Variants in AR observed in about 807,000 individuals in gnomAD.
The protein encoded by AR is androgen receptor.
AR carries 8 observed loss-of-function variants against 53.9 expected under a neutral mutation model. The ratio of observed to expected loss-of-function variants is 0.15; its 90% CI spans 0.09 to 0.27. The LOEUF is 0.27. Among genes scored for constraint, AR ranks in the 10% least tolerant of loss-of-function variants. The probability of loss-of-function intolerance (pLI) is 1.00; values close to 1 mark genes in which losing one functional copy is unlikely to be tolerated. For missense variants in AR, 639 were observed against 742.5 expected (o/e 0.86, Z 1.62); for synonymous variants, 359 against 316.4 (o/e 1.13, Z -1.43).
intron 5 of AR, among the ~76,000 whole-genome samples, chrX:67,721,495 G>A (rs1378922726): frequency 5.4e-5 from 6 of 111,383 alleles, no homozygotes; most frequent in Non-Finnish European, 1.1e-4. Context: ...GAGACCATGT[G>A]CCTCCCCCAT....
chrX:67,645,363 A>G (rs779419955), intron 2 of AR, among the ~76,000 whole-genome samples: 2 of 111,275 alleles, frequency 1.8e-5, no homozygotes, highest in South Asian at 7.7e-4. Context: ...TGAAGGAGGG[A>G]GGCAGGCAGA....
rs573549410 is a variant in AR at position 67,718,768 on chromosome X, G to C, written c.2318+1146G>C. On this transcript the variant is annotated intron_variant, in intron 5 of 7. Coordinates refer to ENST00000374690, the MANE Select transcript of AR (RefSeq NM_000044.6). The stretch of plus-strand genomic sequence containing the variant: ...CCTGCCTCAGCTTCCCGAGTAGCTG[G>C]GATTATAGATGCCCGCCACCGTGTC... Among the ~76,000 whole-genome samples the C allele has an allele frequency of 2.7e-5, 3 of 111,065 alleles. No individual in the cohort carries two copies. In the South Asian group the frequency reaches 1.2e-3, roughly 43 times the overall value.
intron 1 of AR, among the ~76,000 whole-genome samples, chrX:67,603,869 T>A (rs1923495218): frequency 9.0e-6 from 1 of 110,820 alleles, no homozygotes; most frequent in South Asian, 3.8e-4. Context: ...TTAGAAGAGT[T>A]GTTTTGGAAA....
At chrX:67,597,104 C>G (rs1454383823) in intron 1 of AR, among the ~76,000 whole-genome samples, 1 of 111,983 alleles carries the variant, frequency 8.9e-6, no homozygotes, top group African/African-American at 3.2e-5. Context: ...TGGCACTTCT[C>G]TTGAGCAGGA....
At chrX:67,573,045 A>C (rs1774531690) in intron 1 of AR, among the ~76,000 whole-genome samples, 1 of 111,498 alleles carries the variant, frequency 9.0e-6, no homozygotes, top group Non-Finnish European at 1.9e-5. Context: ...CTACCACTAG[A>C]ATGTGATAGA....
chrX:67,689,526 T>C, intron 3 of AR: 1 of 941,540 alleles, frequency 1.1e-6, no homozygotes. Context: ...CTTCCAGGCC[T>C]ACCTACCTGT....
chrX:67,569,799 G>T (rs772257341), intron 1 of AR, among the ~76,000 whole-genome samples: 1 of 111,460 alleles, frequency 9.0e-6, no homozygotes, highest in South Asian at 3.9e-4. Context: ...AAGCAAGACT[G>T]TTTTGGGGTG....
intron 1 of AR, among the ~76,000 whole-genome samples, chrX:67,602,221 CA>C (rs1285349510): frequency 1.8e-5 from 2 of 111,922 alleles, no homozygotes; most frequent in African/African-American, 6.5e-5. Context: ...CATTTTAATA[CA>C]AAAATATTTT....
In AR at chrX:67,544,784, A is replaced by G. The variant is rs1219855221; in HGVS notation, c.-363A>G. Reference sequence around the variant, plus strand: ...AAAAAAGCCGAAATAAAAGAAAAAGATAATAACTCAGTTCTTATTTGCACC... The same window carrying G: ...AAAAAAGCCGAAATAAAAGAAAAAGGTAATAACTCAGTTCTTATTTGCACC... On this transcript the variant is annotated 5_prime_UTR_variant, in exon 1 of 8. Coordinates refer to ENST00000374690, the MANE Select transcript of AR (RefSeq NM_000044.6). 1 of 196,065 alleles carries G rather than the reference A, an allele frequency of 5.1e-6. No individual in the cohort carries two copies. Among genetic ancestry groups the G allele is most frequent in the Admixed American group, 7.3e-5 (1 of 13,661 alleles). 16.2% of individuals were successfully genotyped at this position (196,065 alleles called of 1,213,427 possible).
intron 1 of AR, among the ~76,000 whole-genome samples, chrX:67,609,947 A>G (rs1174309800): frequency 9.0e-6 from 1 of 111,703 alleles, no homozygotes; most frequent in Non-Finnish European, 1.9e-5. Context: ...TAACTCTTGG[A>G]AAATACAGGA....
At chrX:67,712,729 A>G (rs1367052035) in intron 4 of AR, among the ~76,000 whole-genome samples, 1 of 112,125 alleles carries the variant, frequency 8.9e-6, no homozygotes, top group Non-Finnish European at 1.9e-5. Context: ...AGTGAAGTAT[A>G]TGCCCTTTAA....
chrX:67,562,411 T>G (rs1270701193), intron 1 of AR, among the ~76,000 whole-genome samples: 2 of 108,930 alleles, frequency 1.8e-5, no homozygotes, highest in Non-Finnish European at 3.8e-5. Context: ...TGTGTGTTTA[T>G]TGAATTACTT....
rs944293765 is a variant in AR at position 67,729,583 on chromosome X, G to T, written c.*5742G>T. Reference sequence around the variant, plus strand: ...CCAATTCAGTATAGCAAGGTGCTAGGTTTTTTCCTTTCCCCACCTGTCTCT... The same window carrying T: ...CCAATTCAGTATAGCAAGGTGCTAGTTTTTTTCCTTTCCCCACCTGTCTCT... On this transcript the variant is annotated 3_prime_UTR_variant, in exon 8 of 8. Coordinates refer to ENST00000374690, the MANE Select transcript of AR (RefSeq NM_000044.6). 5.8e-6 allele frequency: 1 copy of T among 172,729 alleles called. No homozygotes were observed. The highest frequency in any genetic ancestry group is 1.1e-5 in the Non-Finnish European group (1 of 90,833). The allele number at this position is 172,729 out of a possible 1,213,427, so 14.2% of individuals were successfully genotyped here. A position where few individuals can be genotyped will look rare whatever the true frequency, so the allele number is the denominator to read the frequency against.
At chrX:67,629,079 C>G (rs1186097499) in intron 1 of AR, among the ~76,000 whole-genome samples, 5 of 111,388 alleles carry the variant, frequency 4.5e-5, no homozygotes, top group African/African-American at 6.5e-5. Flanking sequence ...GTTCATCAAG[C>G]ATATTGGTCT....
intron 1 of AR, among the ~76,000 whole-genome samples, chrX:67,607,681 A>C (rs183027948): frequency 8.9e-6 from 1 of 112,349 alleles, no homozygotes; most frequent in Admixed American, 9.4e-5. Flanking sequence ...AATGTTAAGA[A>C]TTAGTAAAAA....
rs183265769 is a variant in AR at position 67,689,861 on chromosome X, A to T, written c.1885+3735A>T. On this transcript the variant is annotated intron_variant, in intron 3 of 7. Coordinates refer to ENST00000374690, the MANE Select transcript of AR (RefSeq NM_000044.6). ...TAGGATAAATGTAAAGCCATTTCTC[A>T]TTTTTCTCCGCACTTTCCAAGGGTA... The T allele has an allele frequency of 3.9e-3, 1,477 of 376,735 alleles. 30 individuals are homozygous for T. The African/African-American group carries it at 0.039, about 10-fold the overall frequency. 31.0% of individuals were successfully genotyped at this position (376,735 alleles called of 1,213,427 possible). A position where few individuals can be genotyped will look rare whatever the true frequency, so the allele number is the denominator to read the frequency against.
chrX:67,621,083 A>G (rs1261038487), intron 1 of AR, among the ~76,000 whole-genome samples: 1 of 111,795 alleles, frequency 8.9e-6, no homozygotes, highest in African/African-American at 3.3e-5. Context: ...GCCGTGGAAG[A>G]AGTTAAATAT....
At chrX:67,568,871 C>T in intron 1 of AR, 7 of 1,189,691 alleles carry the variant, frequency 5.9e-6, no homozygotes, top group Non-Finnish European at 7.9e-6. Context: ...CCTCGGAGGT[C>T]ATCTGTTCCA....
chrX:67,676,331 TACCTACCAGAGCTTCTCAAAGTG>T (rs2075899720), intron 2 of AR, among the ~76,000 whole-genome samples: 1 of 111,998 alleles, frequency 8.9e-6, no homozygotes, highest in Non-Finnish European at 1.9e-5. Context: ...CTCTTTGGAG[TACCTACCAGAGCTTCTCAAAGTG>T]AATTTTGTTT....
Sources: allele counts gnomAD v4.1 joint callset (sites outside exome capture counted in the v4.1 genomes callset), GRCh38; gene constraint gnomAD v4.1.1; transcripts MANE v1.5; gene names NCBI Gene and HGNC (gene_info 2026-07-23, HGNC 2026-07-21).